Variants in MSI2 observed in about 807,000 individuals in gnomAD.
MSI2 encodes the protein RNA-binding protein Musashi homolog 2.
MSI2 carries 17 observed loss-of-function variants against 45.6 expected under a neutral mutation model. That is an observed-to-expected ratio of 0.37 (90% confidence interval 0.26 to 0.56). MSI2 has a LOEUF of 0.56. MSI2 is among the 20% of genes least tolerant of loss of function. MSI2 has a pLI of 0.77. For synonymous variants in MSI2, 156 were observed against 158.2 expected, an observed-to-expected ratio of 0.99 and a Z score of 0.11; for missense variants, 293 against 444.2, an observed-to-expected ratio of 0.66 and a Z score of 3.06.
At chr17:57,602,476 C>T (rs566181149) in intron 8 of MSI2, among the ~76,000 whole-genome samples, 1 of 152,278 alleles carries the variant, frequency 6.6e-6, no homozygotes, top group African/African-American at 2.4e-5. Flanking sequence ...CCTCGGCCTC[C>T]CGAGTAGCTG....
chr17:57,564,990 A>G (rs2087693124), intron 7 of MSI2, among the ~76,000 whole-genome samples: 2 of 152,226 alleles, frequency 1.3e-5, no homozygotes, highest in South Asian at 4.1e-4. Context: ...TAACAGTGCT[A>G]GATGCTGTCC....
chr17:57,439,113 G>A (rs2084747443), intron 6 of MSI2, among the ~76,000 whole-genome samples: 1 of 152,144 alleles, frequency 6.6e-6, no homozygotes, highest in East Asian at 1.9e-4. Flanking sequence ...AGTTGCTCAG[G>A]ACTTGTTGCA....
chr17:57,500,135 A>G (rs1372534061), intron 6 of MSI2, among the ~76,000 whole-genome samples: 1 of 152,034 alleles, frequency 6.6e-6, no homozygotes, highest in Non-Finnish European at 1.5e-5. Flanking sequence ...ACATGTGGTC[A>G]CTCTCAGACA....
chr17:57,329,332 T>TA (rs1914068183), intron 5 of MSI2, among the ~76,000 whole-genome samples: 1 of 152,200 alleles, frequency 6.6e-6, no homozygotes, highest in Non-Finnish European at 1.5e-5. Context: ...ATAATTTTTT[T>TA]AAAAAGGTAA....
chr17:57,534,940 T>C (rs1334633263), intron 7 of MSI2, among the ~76,000 whole-genome samples: 1 of 152,218 alleles, frequency 6.6e-6, no homozygotes, highest in African/African-American at 2.4e-5. Flanking sequence ...AGTTTGTTGC[T>C]TTATCCTTGT....
chr17:57,281,508 C>G (rs1909415841), intron 5 of MSI2, among the ~76,000 whole-genome samples: 1 of 152,124 alleles, frequency 6.6e-6, no homozygotes, highest in Admixed American at 6.5e-5. Flanking sequence ...ATTGGTATTG[C>G]CACTCTCCCT....
chr17:57,509,877 C>A (rs1421195585), intron 6 of MSI2, among the ~76,000 whole-genome samples: 1 of 152,074 alleles, frequency 6.6e-6, no homozygotes, highest in African/African-American at 2.4e-5. Flanking sequence ...CGATTAGTGT[C>A]ATTCCTGAAG....
At chr17:57,347,235 G>C (rs960149210) in intron 5 of MSI2, among the ~76,000 whole-genome samples, 1 of 152,160 alleles carries the variant, frequency 6.6e-6, no homozygotes, top group Non-Finnish European at 1.5e-5. Context: ...AGATAATAAG[G>C]ATGCAGTGTG....
chr17:57,267,623 CAG>C (rs542140691), intron 5 of MSI2: 50 of 151,882 alleles, frequency 3.3e-4, no homozygotes, highest in Admixed American at 2.7e-3. Context: ...CGAGAACACA[CAG>C]GGGAGATGTA....
intron 6 of MSI2, among the ~76,000 whole-genome samples, chr17:57,521,655 T>A (rs891704473): frequency 6.6e-6 from 1 of 152,188 alleles, no homozygotes; most frequent in Non-Finnish European, 1.5e-5. Flanking sequence ...AGGGCCTGTC[T>A]ACACACACAT....
In MSI2 at chr17:57,545,113, AAGATTTTCAAAGGAACTGTATAGC is replaced by A. The variant is rs1336271281; in HGVS notation, c.454+15398_454+15421del. Among the ~76,000 whole-genome samples the A allele has an allele frequency of 3.3e-5, 5 of 152,154 alleles. No homozygotes were observed. The East Asian group carries it at 5.8e-4, about 18-fold the overall frequency. ...AAGGAGACTGAGTTTAGAGAAAGGAAAGATTTTCAAAGGAACTGTATAGCAGATTTTCCCCCCTCTGAATTCTGG... is the reference window on the plus strand; with the variant it reads ...AAGGAGACTGAGTTTAGAGAAAGGAAAGATTTTCCCCCCTCTGAATTCTGG... On this transcript the variant is annotated intron_variant, in intron 7 of 13. Transcript: ENST00000284073.
At chr17:57,500,063 A>G (rs2086069126) in intron 6 of MSI2, among the ~76,000 whole-genome samples, 1 of 152,086 alleles carries the variant, frequency 6.6e-6, no homozygotes, top group Non-Finnish European at 1.5e-5. Flanking sequence ...TTGAGGTCCT[A>G]TCGTAGATCG....
At chr17:57,637,677 G>A (rs1909943575) in intron 10 of MSI2, among the ~76,000 whole-genome samples, 1 of 152,184 alleles carries the variant, frequency 6.6e-6, no homozygotes, top group South Asian at 2.1e-4. Context: ...GTCAAATCAG[G>A]CTATTGATCC....
chr17:57,448,623 TCTGCTCTAC>T (rs1162475071), intron 6 of MSI2: 1 of 152,296 alleles, frequency 6.6e-6, no homozygotes, highest in South Asian at 2.1e-4. Context: ...GTCTGGCTGT[TCTGCTCTAC>T]CTTCCTTGGG....
At chr17:57,275,660 G>A (rs1190924431) in intron 5 of MSI2, among the ~76,000 whole-genome samples, 3 of 152,170 alleles carry the variant, frequency 2.0e-5, no homozygotes, top group Admixed American at 6.5e-5. Flanking sequence ...TGCTGGGAAC[G>A]GGGAACAAGA....
In MSI2 at chr17:57,580,831, C is replaced by T. The variant is rs1391225773; in HGVS notation, c.455-16037C>T. Among the ~76,000 whole-genome samples, 4 of 152,144 alleles carry T rather than the reference C, an allele frequency of 2.6e-5. No individual in the cohort carries two copies. The East Asian group carries it at 5.8e-4, about 22-fold the overall frequency. On this transcript the variant is annotated intron_variant, in intron 7 of 13. Transcript: ENST00000284073. ...GTGGCTCTGCTAAAGCTCTTATCAC[C>T]GCAGTCAACATTTATTGATAGCTAA...
At chr17:57,309,998 GT>G (rs1912245557) in intron 5 of MSI2, among the ~76,000 whole-genome samples, 1 of 152,192 alleles carries the variant, frequency 6.6e-6, no homozygotes, top group South Asian at 2.1e-4. Context: ...AGTATGAAGG[GT>G]TTGGGCTTTG....
intron 7 of MSI2, among the ~76,000 whole-genome samples, chr17:57,573,732 T>A (rs527253346): frequency 1.3e-5 from 2 of 152,334 alleles, no homozygotes; most frequent in East Asian, 3.9e-4. Flanking sequence ...CAGGGGCTGA[T>A]GGAGGAGTGA....
At chr17:57,298,024 A>G (rs1451526762) in intron 5 of MSI2, among the ~76,000 whole-genome samples, 1 of 150,970 alleles carries the variant, frequency 6.6e-6, no homozygotes, top group East Asian at 1.9e-4. Flanking sequence ...CTTCTTTTAA[A>G]CTTCTGTTAA....
Sources: gnomAD v4.1 joint callset for allele counts (sites outside exome capture counted in the v4.1 genomes callset) on GRCh38, gnomAD v4.1.1 for gene constraint, MANE v1.5 for transcripts, NCBI Gene and HGNC (gene_info 2026-07-23, HGNC 2026-07-21) for gene names.